The following LRRC7 variants were observed in gnomAD, a reference collection of about 807,000 sequenced individuals.
The protein encoded by LRRC7 is leucine rich repeat containing 7, also known as leucine-rich repeat-containing protein 7.
Under a neutral mutation model 175.7 loss-of-function variants are expected in LRRC7, and 23 were observed. The ratio of observed to expected loss-of-function variants is 0.13; its 90% CI spans 0.09 to 0.19. LRRC7 has a LOEUF of 0.19. Ranked by LOEUF, LRRC7 falls within the 10% of genes least tolerant of loss-of-function variation. LRRC7 has a pLI of 1.00. For missense variants in LRRC7, 1,354 were observed against 1,904.7 expected (o/e 0.71, Z 5.38); for synonymous variants, 685 against 680.9 (o/e 1.01, Z -0.09).
chr1:69,734,841 CA>C (rs1462564203), intron 2 of LRRC7, among the ~76,000 whole-genome samples: 1 of 151,644 alleles, frequency 6.6e-6, no homozygotes, highest in Non-Finnish European at 1.5e-5. Context: ...GGACTATAGA[CA>C]AAATGATTGA....
intron 1 of LRRC7, among the ~76,000 whole-genome samples, chr1:69,604,824 G>A (rs1025975378): frequency 1.3e-5 from 2 of 152,120 alleles, no homozygotes; most frequent in African/African-American, 4.8e-5. Context: ...CTTAAAAAGT[G>A]TCCACTCTGT....
At chr1:70,021,887 A>C (rs759630299) in intron 16 of LRRC7, among the ~76,000 whole-genome samples, 26 of 152,302 alleles carry the variant, frequency 1.7e-4, no homozygotes, top group Non-Finnish European at 3.2e-4. Flanking sequence ...TTTACTTTTT[A>C]TAACATTGTA....
At chr1:69,644,487 T>C (rs1195691380) in intron 1 of LRRC7, among the ~76,000 whole-genome samples, 1 of 152,034 alleles carries the variant, frequency 6.6e-6, no homozygotes, top group African/African-American at 2.4e-5. Flanking sequence ...TTTCATATGC[T>C]TCCAGTTTGC....
chr1:69,643,657 CT>C (rs984632072), intron 1 of LRRC7, among the ~76,000 whole-genome samples: 1 of 152,122 alleles, frequency 6.6e-6, no homozygotes, highest in African/African-American at 2.4e-5. Flanking sequence ...CCTAATCCCT[CT>C]CTCTGTTTAA....
At chr1:69,964,922 C>G (rs1195170525) in intron 8 of LRRC7, among the ~76,000 whole-genome samples, 2 of 152,188 alleles carry the variant, frequency 1.3e-5, no homozygotes, top group Non-Finnish European at 2.9e-5. Flanking sequence ...TGCAGACACC[C>G]TTATACCTGG....
At chr1:70,033,362 T>C (rs187926878) in intron 18 of LRRC7, among the ~76,000 whole-genome samples, 40 of 152,288 alleles carry the variant, frequency 2.6e-4, no homozygotes, top group Admixed American at 2.4e-3. Flanking sequence ...AAGGATAATA[T>C]AGATAGAGTG....
At chr1:69,913,828 A>G (rs1326395193) in intron 7 of LRRC7, among the ~76,000 whole-genome samples, 1 of 152,170 alleles carries the variant, frequency 6.6e-6, no homozygotes, top group Non-Finnish European at 1.5e-5. Flanking sequence ...TTGCATTTTT[A>G]AAGAATATAA....
intron 7 of LRRC7, among the ~76,000 whole-genome samples, chr1:69,920,706 A>G (rs544345685): frequency 5.9e-5 from 9 of 152,270 alleles, no homozygotes; most frequent in African/African-American, 1.9e-4. Context: ...TCTTTAGCTC[A>G]TTATGGTTCT....
intron 24 of LRRC7, among the ~76,000 whole-genome samples, chr1:70,078,216 A>T (rs1218488909): frequency 6.6e-6 from 1 of 152,186 alleles, no homozygotes; most frequent in Non-Finnish European, 1.5e-5. Flanking sequence ...TTATGTATCA[A>T]TAAAAAAGAC....
chr1:69,691,022 G>A (rs1661792813), intron 2 of LRRC7, among the ~76,000 whole-genome samples: 1 of 152,096 alleles, frequency 6.6e-6, no homozygotes, highest in Non-Finnish European at 1.5e-5. Context: ...ATCTCAAAGG[G>A]AAAACAATGT....
Position 69,760,404 on chromosome 1 carries a change from A to G in LRRC7, c.303+11A>G. The G allele has an allele frequency of 6.2e-7, 1 of 1,601,956 alleles. No homozygotes were observed. The highest frequency in any genetic ancestry group is 8.6e-7 in the Non-Finnish European group (1 of 1,169,566). ...GAAGAACTACCCAAGGTAACTTTTG[A>G]CAACCTAAAATATACAATGTAAATG... On this transcript the variant is annotated intron_variant, in intron 3 of 26. Coordinates refer to ENST00000651989, the MANE Select transcript of LRRC7 (RefSeq NM_001370785.2).
At chr1:70,045,150 C>CT (rs1243454174) in intron 22 of LRRC7, among the ~76,000 whole-genome samples, 8 of 151,626 alleles carry the variant, frequency 5.3e-5, no homozygotes, top group African/African-American at 1.7e-4. Flanking sequence ...GTAGCCACAG[C>CT]TTTTTTATCA....
intron 7 of LRRC7, among the ~76,000 whole-genome samples, chr1:69,926,839 A>G (rs974947766): frequency 6.6e-6 from 1 of 152,138 alleles, no homozygotes; most frequent in East Asian, 1.9e-4. Context: ...TGTGAATTTG[A>G]TCCTGTCGTT....
chr1:69,987,422 A>T (rs1374497906), intron 10 of LRRC7, among the ~76,000 whole-genome samples: 1 of 152,184 alleles, frequency 6.6e-6, no homozygotes, highest in Non-Finnish European at 1.5e-5. Context: ...TTTGAAACAG[A>T]TGTGTTATAT....
chr1:69,684,434 AAG>A (rs1660873462), intron 2 of LRRC7, among the ~76,000 whole-genome samples: 1 of 152,130 alleles, frequency 6.6e-6, no homozygotes, highest in Admixed American at 6.5e-5. Context: ...AAGGGAGAAA[AAG>A]AGAGTTGGAA....
At chr1:69,805,906 C>A (rs1414930822) in intron 4 of LRRC7, among the ~76,000 whole-genome samples, 1 of 151,918 alleles carries the variant, frequency 6.6e-6, no homozygotes, top group Non-Finnish European at 1.5e-5. Context: ...CACTTCCTCA[C>A]CCTTTTGAAA....
chr1:70,039,915 T>C, intron 21 of LRRC7, 122 bp downstream of exon 21: 1 of 1,274,038 alleles, frequency 7.8e-7, no homozygotes, highest in South Asian at 1.6e-5. Context: ...AGTATTTTAT[T>C]TATCTTTATA....
rs776046578 is a variant in LRRC7 at position 70,053,109 on chromosome 1, G to C, written c.4194G>C (p.Gly1398=). The C allele has an allele frequency of 6.2e-7, 1 of 1,610,284 alleles. No individual in the cohort carries two copies. Among genetic ancestry groups the C allele is most frequent in the Non-Finnish European group, 8.5e-7 (1 of 1,178,076 alleles). Residue 1398 remains glycine, a synonymous_variant, in exon 23 of 27, where the codon GGG becomes GGC. Transcript: ENST00000651989. ...PSGQWNPYPL[G]RRDVPPDTIT... ...GCCAATGGAATCCTTATCCACTTGG[G>C]AGGCGGGATGTACCTCCGGACACCA...
At chr1:69,942,221 A>G (rs138537751) in intron 8 of LRRC7, among the ~76,000 whole-genome samples, 1 of 152,184 alleles carries the variant, frequency 6.6e-6, no homozygotes, top group African/African-American at 2.4e-5. Context: ...AAATCATATA[A>G]ACACATTCCA....
Sources: gnomAD v4.1 joint callset for allele counts (sites outside exome capture counted in the v4.1 genomes callset) on GRCh38, gnomAD v4.1.1 for gene constraint, MANE v1.5 for transcripts, NCBI Gene and HGNC (gene_info 2026-07-23, HGNC 2026-07-21) for gene names.